Variants in PCM1 observed in about 807,000 individuals in gnomAD.
PCM1 encodes pericentriolar material 1 protein.
A neutral mutation model predicts 241.9 loss-of-function variants in PCM1; 157 were observed. The ratio of observed to expected loss-of-function variants is 0.65; its 90% CI spans 0.57 to 0.74. The LOEUF is 0.74. Ranked by LOEUF, PCM1 falls within the 30% of genes least tolerant of loss-of-function variation. PCM1 has a pLI of 0.00. For synonymous variants in PCM1, 1,085 were observed against 784.9 expected, an observed-to-expected ratio of 1.38 and a Z score of -6.39; for missense variants, 3,478 against 2,360.1, an observed-to-expected ratio of 1.47 and a Z score of -9.81.
At chr8:17,956,505 T>C in intron 10 of PCM1, 99 bp from the exon 11 acceptor site, 1 of 722,472 alleles carries the variant, frequency 1.4e-6, no homozygotes, top group Non-Finnish European at 2.3e-6. Context: ...CCATTAGGTC[T>C]AAATTTTGTT....
At position 18,028,512 on chromosome 8, in the gene PCM1, A is replaced by G. The variant is rs540117676; in HGVS notation, c.*850A>G. On this transcript the variant is annotated 3_prime_UTR_variant, in exon 39 of 39. Coordinates refer to ENST00000325083, the MANE Select transcript of PCM1 (RefSeq NM_006197.4). ...ACAACTAAATTTCTGTAATAGTAAG[A>G]TTCTGTATGCCTTCAGATAAACTTG... is the stretch of plus-strand genomic sequence containing the variant. The G allele has an allele frequency of 1.4e-4, 28 of 201,660 alleles. No homozygotes were observed. The highest frequency in any genetic ancestry group is 5.3e-4 in the African/African-American group (23 of 43,730). 12.5% of individuals were successfully genotyped at this position (201,660 alleles called of 1,614,324 possible). A position where few individuals can be genotyped will look rare whatever the true frequency, so the allele number is the denominator to read the frequency against.
At position 17,995,411 on chromosome 8, in the gene PCM1, C is replaced by G. The variant is rs534558875; in HGVS notation, c.4827+1792C>G. ...GTGTTTCTGGGTTCTCTGTTCTGTTCTGTCGGTCTGTGTTTCTGTTGTTTG... is the reference window on the plus strand; with the variant it reads ...GTGTTTCTGGGTTCTCTGTTCTGTTGTGTCGGTCTGTGTTTCTGTTGTTTG... On this transcript the variant is annotated intron_variant, in intron 29 of 38. Coordinates refer to ENST00000325083, the MANE Select transcript of PCM1 (RefSeq NM_006197.4). Among the ~76,000 whole-genome samples the G allele has an allele frequency of 7.9e-5, 12 of 151,244 alleles. 1 individual carries two copies. The highest frequency in any genetic ancestry group is 2.9e-4 in the African/African-American group (12 of 40,712).
At chr8:17,939,352 A>G (rs1188035440) in intron 5 of PCM1, among the ~76,000 whole-genome samples, 2 of 124,364 alleles carry the variant, frequency 1.6e-5, no homozygotes, top group Non-Finnish European at 3.6e-5. Flanking sequence ...AAGTTGTAAA[A>G]CTATAATACA....
intron 23 of PCM1, among the ~76,000 whole-genome samples, chr8:17,975,827 A>T (rs767982506): frequency 5.3e-5 from 8 of 152,234 alleles, no homozygotes; most frequent in Non-Finnish European, 1.0e-4. Context: ...GATATTGCAT[A>T]TGAGGTAAGA....
intron 1 of PCM1, among the ~76,000 whole-genome samples, chr8:17,923,486 C>A (rs755090775): frequency 1.3e-5 from 2 of 152,186 alleles, no homozygotes; most frequent in African/African-American, 4.8e-5. Context: ...GGCTGTTCTG[C>A]GTCCCGGTGG....
intron 1 of PCM1, among the ~76,000 whole-genome samples, chr8:17,924,214 C>T (rs1054853266): frequency 2.0e-5 from 3 of 152,084 alleles, no homozygotes; most frequent in African/African-American, 7.2e-5. Context: ...CTAGCACCTT[C>T]CTGGTGAGGA....
intron 36 of PCM1, among the ~76,000 whole-genome samples, chr8:18,019,745 T>C (rs2093609150): frequency 6.6e-6 from 1 of 152,150 alleles, no homozygotes; most frequent in South Asian, 2.1e-4. Flanking sequence ...AAGGTGAAGC[T>C]TGGCTCGCTG....
At chr8:17,990,138 G>C (rs752706826) in intron 27 of PCM1, among the ~76,000 whole-genome samples, 159 bp downstream of exon 27, 2 of 152,036 alleles carry the variant, frequency 1.3e-5, no homozygotes, top group Non-Finnish European at 2.9e-5. Flanking sequence ...AGAATCTTCT[G>C]ACTCTTAACC....
At chr8:17,932,946 GA>G (rs2059451408) in intron 2 of PCM1, among the ~76,000 whole-genome samples, 1 of 152,112 alleles carries the variant, frequency 6.6e-6, no homozygotes, top group South Asian at 2.1e-4. Context: ...GTCTGGGATG[GA>G]TGGTACTGGA....
intron 26 of PCM1, among the ~76,000 whole-genome samples, chr8:17,986,662 T>C (rs1797601533): frequency 6.6e-6 from 1 of 151,738 alleles, no homozygotes; most frequent in Non-Finnish European, 1.5e-5. Context: ...ACATCGTTGA[T>C]TGAATAACAG....
chr8:17,955,758 G>T (rs1475431922), intron 10 of PCM1, 105 bp downstream of exon 10: 3 of 876,978 alleles, frequency 3.4e-6, no homozygotes, highest in East Asian at 5.3e-5. Context: ...ATTTAATATT[G>T]TTGTAAACAT....
At chr8:17,949,704 C>T (rs2065274424) in intron 7 of PCM1, among the ~76,000 whole-genome samples, 1 of 151,954 alleles carries the variant, frequency 6.6e-6, no homozygotes, top group Admixed American at 6.6e-5. Context: ...ACTGTGGTGC[C>T]CAGGCTGGTC....
At chr8:17,966,866 G>C in intron 20 of PCM1, 114 bp from the exon 21 acceptor site, 2 of 900,788 alleles carry the variant, frequency 2.2e-6, no homozygotes, top group South Asian at 1.6e-5. Context: ...TACAGTATCA[G>C]AGCAGTTTGT....
In PCM1 at chr8:17,947,443, C is replaced by A. The variant is rs2064250639; in HGVS notation, c.961+80C>A. The A allele has an allele frequency of 2.5e-5, 24 of 964,162 alleles. No individual in the cohort carries two copies. The South Asian group carries it at 3.7e-4, about 15-fold the overall frequency. The allele number at this position is 964,162 out of a possible 1,614,324, so 59.7% of individuals were successfully genotyped here. On this transcript the variant is annotated intron_variant, in intron 7 of 38. Coordinates refer to ENST00000325083, the MANE Select transcript of PCM1 (RefSeq NM_006197.4). The stretch of plus-strand genomic sequence containing the variant: ...ATTGCAGGGTGGATGCTGATTATTA[C>A]ATAATCAGATCTTGATTGTTGTCTA...
intron 9 of PCM1, among the ~76,000 whole-genome samples, chr8:17,955,142 T>C (rs140375413): frequency 6.6e-6 from 1 of 152,208 alleles, no homozygotes; most frequent in Non-Finnish European, 1.5e-5. Context: ...TAGTTAAAAC[T>C]AACTAGAGTA....
chr8:17,945,962 A>G (rs1011184609), intron 6 of PCM1, among the ~76,000 whole-genome samples: 40 of 152,214 alleles, frequency 2.6e-4, no homozygotes, highest in African/African-American at 9.6e-4. Context: ...TTTTAAAATA[A>G]AAGACTTTTT....
intron 29 of PCM1, among the ~76,000 whole-genome samples, chr8:17,996,229 G>A (rs1208907032): frequency 6.6e-6 from 1 of 151,994 alleles, no homozygotes; most frequent in Non-Finnish European, 1.5e-5. Context: ...AGTTTTTTGA[G>A]GGCTTTTATC....
intron 2 of PCM1, among the ~76,000 whole-genome samples, chr8:17,928,263 T>C (rs746101056): frequency 3.9e-5 from 6 of 152,250 alleles, no homozygotes; most frequent in African/African-American, 9.6e-5. Context: ...GTATGTGTTA[T>C]ATGAGTGAAT....
Position 17,953,114 on chromosome 8 carries a change from A to C in PCM1, c.1216A>C (p.Lys406Gln). 6.3e-7 allele frequency: 1 copy of C among 1,597,518 alleles called. No individual in the cohort carries two copies. Among genetic ancestry groups the C allele is most frequent in the Non-Finnish European group, 8.5e-7 (1 of 1,171,214 alleles). ...TAGCAAAATGAGAGTGCTACAGGAA[A>C]AGAAACAAAAAATGGACAAATTGCT... ...LFSKMRVLQE[K>Q]KQKMDKLLGE... is the part of the protein sequence containing the mutation. Residue 406 changes from lysine (K) to glutamine (Q), a missense_variant, in exon 9 of 39, where the codon AAG (lysine) becomes CAG (glutamine). Transcript: ENST00000325083.
Sources: allele counts gnomAD v4.1 joint callset (sites outside exome capture counted in the v4.1 genomes callset), GRCh38; gene constraint gnomAD v4.1.1; transcripts MANE v1.5; gene names NCBI Gene and HGNC (gene_info 2026-07-23, HGNC 2026-07-21).